Variants in MEGF6 observed in about 807,000 individuals in gnomAD.
The protein encoded by MEGF6 is multiple EGF like domains 6, also known as multiple epidermal growth factor-like domains protein 6.
MEGF6 carries 184 observed loss-of-function variants against 207.1 expected under a neutral mutation model. The ratio of observed to expected loss-of-function variants is 0.89; its 90% CI spans 0.79 to 1.00. The LOEUF is 1.00. Ranked by LOEUF, MEGF6 falls within the 50% of genes least tolerant of loss-of-function variation. The pLI is 0.00. For missense variants in MEGF6, 2,282 were observed against 2,202.9 expected (o/e 1.04, Z -0.72); for synonymous variants, 1,038 against 910.0 (o/e 1.14, Z -2.53).
upstream of MEGF6, among the ~76,000 whole-genome samples, chr1:3,614,754 G>A (rs900323528): frequency 3.3e-5 from 5 of 152,268 alleles, no homozygotes; most frequent in African/African-American, 1.2e-4. Flanking sequence ...ATTTATTTAC[G>A]TATTTCCCTC....
chr1:3,593,348 C>T (rs958823911), intron 3 of MEGF6, among the ~76,000 whole-genome samples: 5 of 152,150 alleles, frequency 3.3e-5, no homozygotes, highest in African/African-American at 1.2e-4. Context: ...GAGCCCAGCT[C>T]GGGGCTCGGA....
Position 3,514,612 on chromosome 1 carries a change from C to A in MEGF6, c.791G>T (p.Gly264Val). 3 of 1,579,306 alleles carry A rather than the reference C, an allele frequency of 1.9e-6. No homozygotes were observed. Among genetic ancestry groups the A allele is most frequent in the Non-Finnish European group, 2.6e-6 (3 of 1,164,992 alleles). ...SCMHRCQVVR[G>V]LARCECHVGY... ...CACGTGGCACTCACAGCGGGCGAGGCCCCGGACCACCTGGCACCTGTGCAT... is the reference window on the plus strand; with the variant it reads ...CACGTGGCACTCACAGCGGGCGAGGACCCGGACCACCTGGCACCTGTGCAT... The change falls in exon 7 of 37, where the codon GGC becomes GTC. Residue 264 changes from glycine (G) to valine (V), a missense_variant. Coordinates refer to ENST00000356575, the MANE Select transcript of MEGF6 (RefSeq NM_001409.4).
chr1:3,490,843 G>A, intron 36 of MEGF6, 69 bp downstream of exon 36: 1 of 1,522,738 alleles, frequency 6.6e-7, no homozygotes, highest in Middle Eastern at 1.7e-4. Flanking sequence ...TTATACTTAA[G>A]CACTCTTCGT....
intron 4 of MEGF6, among the ~76,000 whole-genome samples, chr1:3,576,002 G>A (rs1444197740): frequency 6.6e-6 from 1 of 152,188 alleles, no homozygotes; most frequent in Admixed American, 6.5e-5. Flanking sequence ...CCTCCCTGCT[G>A]AACAGAAGGG....
chr1:3,518,748 G>A (rs1450067575), intron 5 of MEGF6, among the ~76,000 whole-genome samples: 1 of 152,202 alleles, frequency 6.6e-6, no homozygotes, highest in Non-Finnish European at 1.5e-5. Context: ...ATGGTTTCTA[G>A]ATCTTGAGTC....
chr1:3,505,168 A>C, intron 17 of MEGF6, 40 bp downstream of exon 17: 1 of 1,602,930 alleles, frequency 6.2e-7, no homozygotes, highest in Non-Finnish European at 8.5e-7. Context: ...CCTACACCCC[A>C]CAATGAGACT....
intron 1 of MEGF6, among the ~76,000 whole-genome samples, chr1:3,607,611 G>A (rs1263606879): frequency 6.6e-6 from 1 of 152,184 alleles, no homozygotes; most frequent in Non-Finnish European, 1.5e-5. Flanking sequence ...CAGAAGAATG[G>A]ACAAAAAGAA....
At chr1:3,606,464 C>T (rs935965737) in intron 1 of MEGF6, among the ~76,000 whole-genome samples, 3 of 152,188 alleles carry the variant, frequency 2.0e-5, no homozygotes, top group African/African-American at 4.8e-5. Flanking sequence ...ATCTTTAAGA[C>T]GCGCAGGTTA....
At chr1:3,499,429 A>G (rs921661440) in intron 23 of MEGF6, among the ~76,000 whole-genome samples, 159 bp downstream of exon 23, 10 of 152,144 alleles carry the variant, frequency 6.6e-5, no homozygotes, top group Admixed American at 6.5e-4. Context: ...GTGGCCACAA[A>G]AAAGGACCAA....
At chr1:3,561,861 G>A (rs540633739) in intron 4 of MEGF6, among the ~76,000 whole-genome samples, 41 of 152,354 alleles carry the variant, frequency 2.7e-4, no homozygotes, top group Middle Eastern at 6.8e-3. Context: ...CCTCCAAAAC[G>A]TGGGAGGGGG....
intron 4 of MEGF6, among the ~76,000 whole-genome samples, chr1:3,541,161 G>A (rs972497640): frequency 1.3e-5 from 2 of 152,208 alleles, no homozygotes; most frequent in African/African-American, 4.8e-5. Context: ...GCGCCCTCTG[G>A]GCCTCTTGCT....
At chr1:3,548,830 C>G (rs939493718) in intron 4 of MEGF6, among the ~76,000 whole-genome samples, 4 of 152,210 alleles carry the variant, frequency 2.6e-5, no homozygotes. Context: ...CCCTGCTAGG[C>G]TCCACGGGGA....
chr1:3,521,867 G>C (rs72853537), intron 5 of MEGF6, among the ~76,000 whole-genome samples: 4 of 152,174 alleles, frequency 2.6e-5, no homozygotes, highest in Non-Finnish European at 5.9e-5. Context: ...CAGGAAGGGG[G>C]TCTGGATGGT....
At chr1:3,589,234 G>A (rs888133606) in intron 3 of MEGF6, among the ~76,000 whole-genome samples, 68 of 152,160 alleles carry the variant, frequency 4.5e-4, no homozygotes, top group African/African-American at 1.6e-3. Context: ...AGAGCCTCAG[G>A]AGCAGGCACA....
chr1:3,549,060 G>A (rs566818609), intron 4 of MEGF6, among the ~76,000 whole-genome samples: 2 of 152,244 alleles, frequency 1.3e-5, no homozygotes, highest in South Asian at 2.1e-4. Context: ...ACCTGCGGGC[G>A]CCGCCTCCAC....
chr1:3,587,300 G>A (rs746767506), intron 3 of MEGF6, among the ~76,000 whole-genome samples: 13 of 152,240 alleles, frequency 8.5e-5, no homozygotes, highest in Non-Finnish European at 1.5e-4. Flanking sequence ...CATCTGCCCC[G>A]AAGGCTCTGC....
At chr1:3,517,989 C>G (rs1308261212) in intron 5 of MEGF6, among the ~76,000 whole-genome samples, 1 of 152,248 alleles carries the variant, frequency 6.6e-6, no homozygotes, top group Admixed American at 6.5e-5. Context: ...CAATCCGGCC[C>G]GACATTTCTG....
Position 3,508,570 on chromosome 1 carries a change from T to G in MEGF6, c.1648A>C (p.Ile550Leu), listed in dbSNP as rs778380735. 1 of 1,613,150 alleles carries G rather than the reference T, an allele frequency of 6.2e-7. No homozygotes were observed. Among genetic ancestry groups the G allele is most frequent in the African/African-American group, 1.3e-5 (1 of 75,044 alleles). Reference protein sequence around the residue: ...CDCPEGWTGLICNETCPPDTF... With the variant: ...CDCPEGWTGLLCNETCPPDTF... ...CCAGCTGCCTCACTCTCATTGCAGA[T>G]GAGCCCAGTCCAGCCCTCGGGGCAA... Residue 550 changes from isoleucine to leucine, a missense_variant, in exon 13 of 37, where the codon ATC (isoleucine) becomes CTC (leucine). By Grantham distance (5) the Ile-to-Leu change is conservative. Coordinates refer to ENST00000356575, the MANE Select transcript of MEGF6 (RefSeq NM_001409.4).
At chr1:3,495,072 C>T (rs1463517428) in intron 30 of MEGF6, among the ~76,000 whole-genome samples, 2 of 152,184 alleles carry the variant, frequency 1.3e-5, no homozygotes, top group Non-Finnish European at 2.9e-5. Flanking sequence ...CCAGCTGTCT[C>T]CCGCTTGGGA....
Sources: allele counts gnomAD v4.1 joint callset (sites outside exome capture counted in the v4.1 genomes callset), GRCh38; gene constraint gnomAD v4.1.1; transcripts MANE v1.5; gene names NCBI Gene and HGNC (gene_info 2026-07-23, HGNC 2026-07-21).